EXOC6: variants seen among roughly 807,000 people sequenced by gnomAD.
The protein encoded by EXOC6 is SEC15-like 1.
Under a neutral mutation model 112.5 loss-of-function variants are expected in EXOC6, and 60 were observed. The ratio of observed to expected loss-of-function variants is 0.53; its 90% CI spans 0.43 to 0.66. The LOEUF is 0.66. Ranked by LOEUF, EXOC6 falls within the 30% of genes least tolerant of loss-of-function variation. The probability of loss-of-function intolerance (pLI) is 0.00; values close to 1 mark genes in which losing one functional copy is unlikely to be tolerated. For missense variants in EXOC6, 855 were observed against 957.1 expected (o/e 0.89, Z 1.41); for synonymous variants, 295 against 308.0 (o/e 0.96, Z 0.44).
chr10:92,942,386 C>G (rs1217693266), intron 13 of EXOC6, among the ~76,000 whole-genome samples: 1 of 152,162 alleles, frequency 6.6e-6, no homozygotes, highest in Non-Finnish European at 1.5e-5. Flanking sequence ...AAGGGCAAGA[C>G]TGTGCTCTTA....
Position 92,848,610 on chromosome 10 carries a change from C to T in EXOC6, c.77C>T (p.Thr26Ile). ...RILQEIESTD[T>I]ACVGPTLRSV... is the part of the protein sequence containing the mutation. ...TTGCAGGAGATCGAGAGCACCGACA[C>T]CGCCTGTGTGGGGCCCACCCTCCGG... Residue 26 changes from threonine to isoleucine, a missense_variant, in exon 1 of 22, where the codon ACC (threonine) becomes ATC (isoleucine). By Grantham distance (89) the Thr-to-Ile change is moderately conservative (BLOSUM62 -1). Around this residue, in one of 2 missense-constraint regions of EXOC6, gnomAD observed 405 missense variants for 393.6 expected, o/e 1.03. Coordinates refer to ENST00000260762, the MANE Select transcript of EXOC6 (RefSeq NM_019053.6). 1 of 1,449,042 alleles carries T rather than the reference C, an allele frequency of 6.9e-7. No homozygotes were observed. The allele number at this position is 1,449,042 out of a possible 1,614,324, so 89.8% of individuals were successfully genotyped here. A position where few individuals can be genotyped will look rare whatever the true frequency, so the allele number is the denominator to read the frequency against.
At chr10:92,988,782 C>T (rs1004147000) in intron 18 of EXOC6, among the ~76,000 whole-genome samples, 5 of 148,890 alleles carry the variant, frequency 3.4e-5, no homozygotes, top group Admixed American at 3.4e-4. Flanking sequence ...CATGACAAAA[C>T]CCCATCTCTA....
At chr10:92,844,382 A>G (rs1017936001), upstream of EXOC6, among the ~76,000 whole-genome samples, 1 of 152,174 alleles carries the variant, frequency 6.6e-6, no homozygotes, top group Admixed American at 6.5e-5. Context: ...TGTGCTTCCA[A>G]GGATGAGTGA....
At chr10:92,885,403 G>A (rs1849164378) in intron 1 of EXOC6, among the ~76,000 whole-genome samples, 2 of 150,554 alleles carry the variant, frequency 1.3e-5, no homozygotes, top group South Asian at 4.2e-4. Context: ...TTTTGAGATG[G>A]GAGTCTTTCC....
intron 8 of EXOC6, among the ~76,000 whole-genome samples, chr10:92,923,505 C>T (rs1349934747): frequency 6.6e-6 from 1 of 152,166 alleles, no homozygotes; most frequent in Non-Finnish European, 1.5e-5. Context: ...CTGCTGTCAT[C>T]TGAAGGCTTA....
intron 12 of EXOC6, among the ~76,000 whole-genome samples, chr10:92,939,917 T>C (rs1852561874): frequency 6.6e-6 from 1 of 151,974 alleles, no homozygotes; most frequent in Admixed American, 6.6e-5. Flanking sequence ...AAGTGAGAGA[T>C]TGTAGTACGT....
intron 20 of EXOC6, among the ~76,000 whole-genome samples, chr10:93,034,717 C>CT (rs1449335367): frequency 1.3e-5 from 2 of 152,180 alleles, no homozygotes; most frequent in African/African-American, 4.8e-5. Context: ...CCAGTTTATT[C>CT]TTTTATGATG....
rs138463226 is a variant in EXOC6, at chr10:92,911,870, C to T, written c.663+2239C>T. Among the ~76,000 whole-genome samples the T allele has an allele frequency of 9.6e-4, 142 of 148,054 alleles. 2 individuals are homozygous for T. In the East Asian group the frequency reaches 0.025, roughly 26 times the overall value. On this transcript the variant is annotated intron_variant, in intron 6 of 21. Transcript: ENST00000260762. ...GTTGTATTTTTTCTGTCTTGGTATC[C>T]CTTCATGCTACCTTTCAATTTCTTG...
intron 1 of EXOC6, among the ~76,000 whole-genome samples, chr10:92,858,109 T>G (rs1338298912): frequency 6.7e-6 from 1 of 149,892 alleles, no homozygotes; most frequent in Non-Finnish European, 1.5e-5. Flanking sequence ...GCTGTTAATC[T>G]TATTGGAATT....
At chr10:93,000,203 T>G (rs539431139) in intron 19 of EXOC6, among the ~76,000 whole-genome samples, 3 of 152,338 alleles carry the variant, frequency 2.0e-5, no homozygotes, top group African/African-American at 7.2e-5. Flanking sequence ...TTAAACTACC[T>G]TTTTGGCATT....
intron 13 of EXOC6, among the ~76,000 whole-genome samples, chr10:92,942,559 G>GA (rs1183899689): frequency 2.6e-5 from 4 of 152,094 alleles, no homozygotes; most frequent in African/African-American, 9.7e-5. Flanking sequence ...GAGTCATATG[G>GA]AACTATCAAC....
chr10:92,875,631 A>G (rs1644660873), intron 1 of EXOC6, among the ~76,000 whole-genome samples: 1 of 152,196 alleles, frequency 6.6e-6, no homozygotes, highest in Admixed American at 6.5e-5. Context: ...AACTTTCTTT[A>G]TAGAAAAACT....
At chr10:93,025,823 G>C (rs1359082433) in intron 20 of EXOC6, among the ~76,000 whole-genome samples, 1 of 152,100 alleles carries the variant, frequency 6.6e-6, no homozygotes, top group African/African-American at 2.4e-5. Context: ...TACATCTATA[G>C]AACACATAGA....
chr10:92,886,254 AAG>A (rs1436574855), intron 1 of EXOC6, among the ~76,000 whole-genome samples: 1 of 152,232 alleles, frequency 6.6e-6, no homozygotes, highest in Admixed American at 6.5e-5. Flanking sequence ...TAAAGAAAAA[AAG>A]AAAAATAGCT....
chr10:92,951,285 C>G (rs1853396466), intron 14 of EXOC6, among the ~76,000 whole-genome samples: 1 of 151,854 alleles, frequency 6.6e-6, no homozygotes, highest in Non-Finnish European at 1.5e-5. Flanking sequence ...TGAGATCATC[C>G]AAGAAAAGTA....
intron 20 of EXOC6, among the ~76,000 whole-genome samples, chr10:93,033,967 A>G (rs1188269596): frequency 6.6e-6 from 1 of 152,264 alleles, no homozygotes; most frequent in Non-Finnish European, 1.5e-5. Context: ...TGACAAGAAC[A>G]CTATTGTGTA....
intron 17 of EXOC6, among the ~76,000 whole-genome samples, chr10:92,962,107 A>T (rs1589921332): frequency 1.3e-5 from 2 of 152,172 alleles, no homozygotes; most frequent in Admixed American, 6.5e-5. Flanking sequence ...CTCAGAACCC[A>T]TATTTCCCTC....
intron 17 of EXOC6, among the ~76,000 whole-genome samples, chr10:92,956,685 A>G (rs1853710834): frequency 1.3e-5 from 2 of 152,148 alleles, no homozygotes; most frequent in South Asian, 4.1e-4. Flanking sequence ...GCAGAATGAT[A>G]TCTGAATCAG....
intron 1 of EXOC6, among the ~76,000 whole-genome samples, chr10:92,863,012 G>A (rs1468944796): frequency 6.6e-6 from 1 of 152,144 alleles, no homozygotes; most frequent in East Asian, 1.9e-4. Flanking sequence ...ATACAAGCTC[G>A]ACTTAACAGC....
Sources: gnomAD v4.1 joint callset for allele counts (sites outside exome capture counted in the v4.1 genomes callset) on GRCh38, gnomAD v4.1.1 for gene constraint, gnomAD v4.1.1 regional missense constraint, MANE v1.5 for transcripts, NCBI Gene and HGNC (gene_info 2026-07-23, HGNC 2026-07-21) for gene names.